HDAC9: variants seen among roughly 807,000 people sequenced by gnomAD.
HDAC9 encodes the protein MEF-2 interacting transcription repressor (MITR) protein.
Under a neutral mutation model 139.4 loss-of-function variants are expected in HDAC9, and 41 were observed. The ratio of observed to expected loss-of-function variants is 0.29; its 90% CI spans 0.23 to 0.38. The LOEUF is 0.38. Among genes scored for constraint, HDAC9 ranks in the 10% least tolerant of loss-of-function variants. The probability of loss-of-function intolerance (pLI) is 1.00; values close to 1 mark genes in which losing one functional copy is unlikely to be tolerated. For missense variants in HDAC9, 1,147 were observed against 1,297.0 expected (o/e 0.88, Z 1.78); for synonymous variants, 517 against 476.2 (o/e 1.09, Z -1.12).
intron 17 of HDAC9, among the ~76,000 whole-genome samples, chr7:18,810,553 T>C (rs1794096284): frequency 6.6e-6 from 1 of 151,932 alleles, no homozygotes; most frequent in Admixed American, 6.6e-5. Flanking sequence ...TAATGTACAC[T>C]GAATAGAACA....
At chr7:18,729,368 C>T (rs762903343) in intron 13 of HDAC9, among the ~76,000 whole-genome samples, 4 of 151,886 alleles carry the variant, frequency 2.6e-5, no homozygotes, top group African/African-American at 4.8e-5. Context: ...TGTTGATGTG[C>T]CCAAGTTTGC....
At chr7:18,979,808 C>A (rs539944846) in intron 25 of HDAC9, among the ~76,000 whole-genome samples, 7 of 152,108 alleles carry the variant, frequency 4.6e-5, no homozygotes, top group African/African-American at 1.7e-4. Flanking sequence ...ACAGCCAGAT[C>A]CCATGTGAGC....
In HDAC9 at chr7:18,787,674, T is replaced by G. The variant is rs574679164; in HGVS notation, c.2215-5671T>G. 2.0e-5 allele frequency among the ~76,000 whole-genome samples: 3 copies of G among 152,350 alleles called. No homozygotes were observed. In the South Asian group the frequency reaches 6.2e-4, roughly 32 times the overall value. On this transcript the variant is annotated intron_variant, in intron 16 of 25. Transcript: ENST00000686413. The stretch of plus-strand genomic sequence containing the variant: ...TACAGTTAAACCTCACTAGCCTGTG[T>G]GTACAGCATATCCTTAGAGACTTCT...
chr7:18,251,997 C>T (rs1794944001), intron 2 of HDAC9, among the ~76,000 whole-genome samples: 1 of 152,108 alleles, frequency 6.6e-6, no homozygotes, highest in African/African-American at 2.4e-5. Flanking sequence ...AGATTTTTCA[C>T]TTCTATCACT....
chr7:18,217,872 G>C (rs996874315), intron 2 of HDAC9, among the ~76,000 whole-genome samples: 5 of 152,150 alleles, frequency 3.3e-5, no homozygotes, highest in Admixed American at 6.6e-5. Context: ...TCAGAAATCT[G>C]GGAGAGGTTT....
chr7:18,687,006 T>C (rs1053700224), intron 12 of HDAC9, among the ~76,000 whole-genome samples: 1 of 151,830 alleles, frequency 6.6e-6, no homozygotes, highest in African/African-American at 2.4e-5. Context: ...AGATAAAAGA[T>C]GTTAGGTACT....
intron 12 of HDAC9, among the ~76,000 whole-genome samples, chr7:18,715,561 T>G (rs1257984355): frequency 6.6e-6 from 1 of 152,150 alleles, no homozygotes; most frequent in African/African-American, 2.4e-5. Context: ...AATGTTATGT[T>G]TAGTAAGATG....
chr7:18,126,145 C>A (rs527871557), intron 1 of HDAC9, among the ~76,000 whole-genome samples: 13 of 152,206 alleles, frequency 8.5e-5, no homozygotes, highest in African/African-American at 2.9e-4. Context: ...GGTATTGATT[C>A]GCTTGTGTCC....
chr7:18,557,653 T>A (rs549647803), intron 2 of HDAC9, among the ~76,000 whole-genome samples: 4 of 149,362 alleles, frequency 2.7e-5, no homozygotes, highest in African/African-American at 9.7e-5. Context: ...GCCATGAACA[T>A]TGCAAATTAT....
At chr7:18,818,184 G>A (rs544362617) in intron 17 of HDAC9, among the ~76,000 whole-genome samples, 2 of 152,232 alleles carry the variant, frequency 1.3e-5, no homozygotes, top group Non-Finnish European at 2.9e-5. Context: ...ATTTTACTGA[G>A]CATTGATACT....
At chr7:18,207,367 T>G (rs1049513373) in intron 2 of HDAC9, among the ~76,000 whole-genome samples, 1 of 151,880 alleles carries the variant, frequency 6.6e-6, no homozygotes, top group African/African-American at 2.4e-5. Flanking sequence ...AAAATAAATA[T>G]TTTAGGATCC....
Position 18,647,716 on chromosome 7 carries a change from A to G in HDAC9, c.1036-69A>G, listed in dbSNP as rs564326604. On this transcript the variant is annotated intron_variant, in intron 9 of 25. Coordinates refer to ENST00000686413, the MANE Select transcript of HDAC9 (RefSeq NM_178425.4). ...AAGCTACAGCATAGGAAACTTGTCT[A>G]ATGATTTAGAGACCCAGTGACCCAC... is the stretch of plus-strand genomic sequence containing the variant. The G allele has an allele frequency of 8.2e-5, 108 of 1,313,156 alleles. No individual in the cohort carries two copies. In the South Asian group the frequency reaches 1.5e-3, roughly 18 times the overall value. 81.3% of individuals were successfully genotyped at this position (1,313,156 alleles called of 1,614,324 possible).
rs187065755 is a variant in HDAC9 at position 18,183,134 on chromosome 7, C to T, written c.25+20785C>T. 1.9e-4 allele frequency among the ~76,000 whole-genome samples: 29 copies of T among 152,082 alleles called. No individual in the cohort carries two copies. The South Asian group carries it at 3.7e-3, about 20-fold the overall frequency. On this transcript the variant is annotated intron_variant, in intron 2 of 12. Coordinates refer to the HDAC9 transcript ENST00000417496. The stretch of plus-strand genomic sequence containing the variant: ...ACGCCATTCTCCTGCCTCAGCTTCC[C>T]GAGTAGCTGGGACTACAGGTGCCTG...
intron 22 of HDAC9, among the ~76,000 whole-genome samples, chr7:18,921,916 A>T (rs921742639): frequency 6.6e-6 from 1 of 152,230 alleles, no homozygotes; most frequent in East Asian, 1.9e-4. Flanking sequence ...GGATGAGTTC[A>T]TGTCCTTTGT....
intron 1 of HDAC9, among the ~76,000 whole-genome samples, chr7:18,468,621 T>A (rs369361362): frequency 6.6e-5 from 10 of 152,312 alleles, no homozygotes; most frequent in African/African-American, 2.2e-4. Context: ...ATTTTTTAAA[T>A]GTCTCTTTTC....
intron 22 of HDAC9, among the ~76,000 whole-genome samples, chr7:18,893,934 C>G (rs1356487973): frequency 1.3e-5 from 2 of 152,104 alleles, no homozygotes. Flanking sequence ...TGAGGCAGGA[C>G]CAAGCCCACA....
intron 12 of HDAC9, among the ~76,000 whole-genome samples, chr7:18,708,485 G>A (rs2129110495): frequency 6.6e-6 from 1 of 152,300 alleles, no homozygotes; most frequent in East Asian, 1.9e-4. Context: ...CAGAAATAAT[G>A]AGACTGATCA....
intron 16 of HDAC9, among the ~76,000 whole-genome samples, chr7:18,774,996 G>A (rs750480986): frequency 2.8e-5 from 4 of 144,966 alleles, no homozygotes; most frequent in African/African-American, 7.3e-5. Context: ...AGAGGCTATC[G>A]TAGGGTTATT....
chr7:18,795,651 G>T (rs966992166), intron 17 of HDAC9, among the ~76,000 whole-genome samples: 2 of 152,202 alleles, frequency 1.3e-5, no homozygotes, highest in Non-Finnish European at 2.9e-5. Flanking sequence ...ATGCTGACAG[G>T]TCAAGAGACT....
Sources: gnomAD v4.1 joint callset for allele counts (sites outside exome capture counted in the v4.1 genomes callset) on GRCh38, gnomAD v4.1.1 for gene constraint, MANE v1.5 for transcripts, NCBI Gene and HGNC (gene_info 2026-07-23, HGNC 2026-07-21) for gene names.